Variants in HOXA10 observed in about 807,000 individuals in gnomAD.
The protein encoded by HOXA10 is homeobox A10, also known as homeobox protein Hox-A10.
In HOXA10, 12 loss-of-function variants were observed where a neutral mutation model predicts 29.7. The ratio of observed to expected loss-of-function variants is 0.40; its 90% confidence interval spans 0.26 to 0.65. The LOEUF is 0.65. Ranked by LOEUF, HOXA10 falls within the 30% of genes least tolerant of loss-of-function variation. The pLI is 0.37. For missense variants in HOXA10, 656 were observed against 585.9 expected (o/e 1.12, Z -1.24); for synonymous variants, 327 against 280.7 (o/e 1.16, Z -1.65).
chr7:27,177,071 C>T (rs1783665495), upstream of HOXA10, among the ~76,000 whole-genome samples: 1 of 152,162 alleles, frequency 6.6e-6, no homozygotes, highest in African/African-American at 2.4e-5. Context: ...GCCAAATGGG[C>T]TTCTAGGCTG....
chr7:27,173,878 GGGCGGCGGCTGCTGCTGGGGCGGC>G lies in HOXA10; in HGVS notation c.405_428del (p.Gln139_Gln146del), dbSNP rs749154263. The G allele has an allele frequency of 2.3e-5, 36 of 1,578,160 alleles. No individual in the cohort carries two copies. The highest frequency in any genetic ancestry group is 4.7e-5 in the East Asian group (2 of 42,728). ...GCGCTGGCTGGGGTGGTTGCGGCGG[GGGCGGCGGCTGCTGCTGGGGCGGC>G]GGCGGCGGCCCGTCAGGCGGCTCCA... On this transcript the variant is annotated inframe_deletion, in exon 1 of 2. Coordinates refer to ENST00000283921, the MANE Select transcript of HOXA10 (RefSeq NM_018951.4).
At chr7:27,173,215 T>C in intron 1 of HOXA10, 134 bp downstream of exon 1, 1 of 1,418,552 alleles carries the variant, frequency 7.0e-7, no homozygotes, top group Non-Finnish European at 9.6e-7. Context: ...AAAAGCAAGT[T>C]CACAAGGTCA....
In HOXA10 at chr7:27,171,275, C is replaced by A. The variant is rs1414146909; in HGVS notation, c.*624G>T. On this transcript the variant is annotated 3_prime_UTR_variant, in exon 2 of 2. Coordinates refer to ENST00000283921, the MANE Select transcript of HOXA10 (RefSeq NM_018951.4). ...TCTTACAGAGGAAGGAAAAATTAACCTTTTTTACTTTCTTTCTCACTTTTT... is the reference window on the plus strand; with the variant it reads ...TCTTACAGAGGAAGGAAAAATTAACATTTTTTACTTTCTTTCTCACTTTTT... The A allele has an allele frequency of 1.3e-5, 6 of 453,900 alleles. No individual in the cohort carries two copies. The highest frequency in any genetic ancestry group is 1.8e-5 in the Non-Finnish European group (4 of 226,778). The allele number at this position is 453,900 out of a possible 1,614,324, so 28.1% of individuals were successfully genotyped here.
exon 1 of HOXA10, chr7:27,179,789 G>T (rs1188293204): frequency 2.8e-6 from 2 of 707,390 alleles, no homozygotes; most frequent in Admixed American, 2.0e-5. Context: ...GTTATGAAGG[G>T]GAGCGGGACA....
chr7:27,173,906 G>A lies in HOXA10; in HGVS notation c.401C>T (p.Pro134Leu). The A allele has an allele frequency of 3.3e-6, 5 of 1,527,668 alleles. No individual in the cohort carries two copies. The highest frequency in any genetic ancestry group is 4.4e-6 in the Non-Finnish European group (5 of 1,139,140). The allele number at this position is 1,527,668 out of a possible 1,614,324, so 94.6% of individuals were successfully genotyped here. The change falls in exon 1 of 2, where the codon CCG becomes CTG. Residue 134 changes from proline to leucine, a missense_variant. By Grantham distance (98) the Pro-to-Leu change is moderately conservative (BLOSUM62 -3). This residue lies in a region of HOXA10 where 594 missense variants were observed against 491.9 expected (regional missense o/e 1.21). Transcript: ENST00000283921. The part of the protein sequence containing the change: ...SCRMEPPDGP[P>L]PPPQQQPPPP... ...CGGCGGCTGCTGCTGGGGCGGCGGC[G>A]GCGGCCCGTCAGGCGGCTCCATCCG...
upstream of HOXA10, chr7:27,174,580 C>T (rs1246519814): frequency 9.4e-6 from 5 of 530,092 alleles, no homozygotes; most frequent in Non-Finnish European, 1.7e-5. Flanking sequence ...GGCCATTGGG[C>T]TCGCCCCGCC....
Position 27,173,523 on chromosome 7 carries a change from C to T in HOXA10, c.784G>A (p.Asp262Asn), listed in dbSNP as rs931102651. The T allele has an allele frequency of 1.4e-5, 20 of 1,457,708 alleles. No individual in the cohort carries two copies. The highest frequency in any genetic ancestry group is 1.5e-5 in the Non-Finnish European group (17 of 1,114,170). 90.3% of individuals were successfully genotyped at this position (1,457,708 alleles called of 1,614,324 possible). The change falls in exon 1 of 2, where the codon GAT (aspartate) becomes AAT (asparagine). Residue 262 changes from aspartate to asparagine, a missense_variant. Asp to Asn is a conservative substitution (Grantham distance 23, BLOSUM62 1). Coordinates refer to ENST00000283921, the MANE Select transcript of HOXA10 (RefSeq NM_018951.4). ...LPPALASGSA[D>N]AARKERALDS... ...AGGGCTCGCTCCTTCCGGGCCGCAT[C>T]GGCCGAGCCGGAGGCTAGCGCGGGC...
Position 27,173,503 on chromosome 7 carries a change from T to A in HOXA10, c.804A>T (p.Arg268=), listed in dbSNP as rs768065073. 45 of 1,508,608 alleles carry A rather than the reference T, an allele frequency of 3.0e-5. No individual in the cohort carries two copies. Among genetic ancestry groups the A allele is most frequent in the Middle Eastern group, 2.2e-4 (1 of 4,482 alleles). 93.5% of individuals were successfully genotyped at this position (1,508,608 alleles called of 1,614,324 possible). A position where few individuals can be genotyped will look rare whatever the true frequency, so the allele number is the denominator to read the frequency against. The part of the protein sequence containing the change: ...SGSADAARKE[R]ALDSPPPPTL... ...TGGGGGGCGGCGGCGAATCGAGGGC[T>A]CGCTCCTTCCGGGCCGCATCGGCCG... The change falls in exon 1 of 2, where the codon CGA becomes CGT. Residue 268 remains arginine, a synonymous_variant. Transcript: ENST00000283921.
At chr7:27,175,855 G>C (rs767598431), upstream of HOXA10, among the ~76,000 whole-genome samples, 9 of 152,226 alleles carry the variant, frequency 5.9e-5, no homozygotes, top group Non-Finnish European at 1.2e-4. Flanking sequence ...CGGGTCATAC[G>C]CGGCACTTTG....
In HOXA10 at chr7:27,171,059, T is replaced by G. The variant is rs1329331174; in HGVS notation, c.*840A>C. 2.2e-6 allele frequency: 1 copy of G among 450,150 alleles called. No homozygotes were observed. The highest frequency in any genetic ancestry group is 4.4e-6 in the Non-Finnish European group (1 of 225,550). 27.9% of individuals were successfully genotyped at this position (450,150 alleles called of 1,614,324 possible). A position where few individuals can be genotyped will look rare whatever the true frequency, so the allele number is the denominator to read the frequency against. On this transcript the variant is annotated 3_prime_UTR_variant, in exon 2 of 2. Coordinates refer to ENST00000283921, the MANE Select transcript of HOXA10 (RefSeq NM_018951.4). ...TGTCACATGTTACCAGTGGTAACAA[T>G]TTTAATGACAAAAAAATCCACTAAT...
At chr7:27,179,807 T>A (rs895273358) in exon 1 of HOXA10, 3 of 702,678 alleles carry the variant, frequency 4.3e-6, no homozygotes, top group Non-Finnish European at 7.8e-6. Context: ...ACAAGTGAAA[T>A]AATGTACCGT....
chr7:27,179,440 T>C (rs1364937301), intron 1 of HOXA10, among the ~76,000 whole-genome samples: 1 of 151,954 alleles, frequency 6.6e-6, no homozygotes, highest in African/African-American at 2.4e-5. Flanking sequence ...TCGCCTTGAG[T>C]GAAATGCTGG....
At chr7:27,174,564 G>A (rs1292104203), upstream of HOXA10, 4 of 584,460 alleles carry the variant, frequency 6.8e-6, no homozygotes, top group African/African-American at 5.7e-5. Context: ...GGCTGGTGGG[G>A]GGCCTGGCCA....
rs970105335 is a variant in HOXA10, at chr7:27,171,361, T to C, written c.*538A>G. ...ATGTCCATGCCTGTAAGCCCTTCTC[T>C]TGGCCAAGGAAGAAAGGAAGAAAGA... On this transcript the variant is annotated 3_prime_UTR_variant, in exon 2 of 2. Coordinates refer to ENST00000283921, the MANE Select transcript of HOXA10 (RefSeq NM_018951.4). 15 of 454,330 alleles carry C rather than the reference T, an allele frequency of 3.3e-5. No individual in the cohort carries two copies. Among genetic ancestry groups the C allele is most frequent in the African/African-American group, 2.6e-4 (13 of 50,024 alleles). 28.1% of individuals were successfully genotyped at this position (454,330 alleles called of 1,614,324 possible).
Position 27,172,142 on chromosome 7 carries a change from C to T in HOXA10, c.990G>A (p.Trp330Ter). Residue 330 changes from tryptophan (W) to a stop codon, truncating the protein, a stop_gained, in exon 2 of 2, where the codon TGG becomes TGA. Transcript: ENST00000283921. LOFTEE classifies it high-confidence loss of function. ...TCTTCCGACCACTCTTTGCCGTGAG[C>T]CAGTTGGCTGCGTTTTCACCTTTGG... ...GNSKGENAAN[W>*]LTAKSGRKKR... is the part of the protein sequence containing the mutation. 6.2e-7 allele frequency: 1 copy of T among 1,613,810 alleles called. No individual in the cohort carries two copies. The highest frequency in any genetic ancestry group is 8.5e-7 in the Non-Finnish European group (1 of 1,179,970).
Position 27,171,463 on chromosome 7 carries a change from C to A in HOXA10, c.*436G>T, listed in dbSNP as rs1327063408. Reference sequence around the variant, plus strand: ...CAGGCAGACATGCCCGGTGGCGGCTCCTTTGCACCATTGACCTCAGGCCAG... The same window carrying A: ...CAGGCAGACATGCCCGGTGGCGGCTACTTTGCACCATTGACCTCAGGCCAG... On this transcript the variant is annotated 3_prime_UTR_variant, in exon 2 of 2. Transcript: ENST00000283921. The A allele has an allele frequency of 2.2e-6, 1 of 457,412 alleles. No homozygotes were observed. The highest frequency in any genetic ancestry group is 2.3e-5 in the Admixed American group (1 of 42,624). 28.3% of individuals were successfully genotyped at this position (457,412 alleles called of 1,614,324 possible).
At chr7:27,172,198 G>A (rs759372069) in intron 1 of HOXA10, 25 bp from the exon 2 acceptor site, 1 of 1,612,674 alleles carries the variant, frequency 6.2e-7, no homozygotes, top group Non-Finnish European at 8.5e-7. Context: ...AATAAAGAGG[G>A]GATGATTAAG....
At chr7:27,179,677 A>G (rs2115458177) in exon 1 of HOXA10, 1 of 778,432 alleles carries the variant, frequency 1.3e-6, no homozygotes, top group Non-Finnish European at 2.4e-6. Flanking sequence ...CTGCCAAGGG[A>G]CAGCTGGCTT....
rs778006123 is a variant in HOXA10 at position 27,170,774 on chromosome 7, CATA to C, written c.*1122_*1124del. 6.7e-6 allele frequency: 3 copies of C among 450,676 alleles called. No individual in the cohort carries two copies. The highest frequency in any genetic ancestry group is 4.8e-5 in the South Asian group (3 of 62,746). The allele number at this position is 450,676 out of a possible 1,614,324, so 27.9% of individuals were successfully genotyped here. Reference sequence around the variant, plus strand: ...GCTTAAAACAAGATTGGCAATTCTTCATAATAATAGACATTTATACAGATTTGT... The same window carrying C: ...GCTTAAAACAAGATTGGCAATTCTTCATAATAGACATTTATACAGATTTGT... On this transcript the variant is annotated 3_prime_UTR_variant, in exon 2 of 2. Coordinates refer to ENST00000283921, the MANE Select transcript of HOXA10 (RefSeq NM_018951.4).
Sources: gnomAD v4.1 joint callset for allele counts (sites outside exome capture counted in the v4.1 genomes callset) on GRCh38, gnomAD v4.1.1 for gene constraint, gnomAD v4.1.1 regional missense constraint, MANE v1.5 for transcripts, NCBI Gene and HGNC (gene_info 2026-07-23, HGNC 2026-07-21) for gene names.